Variants in PTK7 observed in about 807,000 individuals in gnomAD.
PTK7 encodes protein tyrosine kinase 7 (inactive).
In PTK7, 39 loss-of-function variants were observed where a neutral mutation model predicts 116.6. That is an observed-to-expected ratio of 0.33 (90% CI 0.26 to 0.44). The LOEUF (loss-of-function observed/expected upper bound fraction) is 0.44. Ranked by LOEUF, PTK7 falls within the 20% of genes least tolerant of loss-of-function variation. PTK7 has a pLI of 1.00. For missense variants in PTK7, 1,169 were observed against 1,425.6 expected, an observed-to-expected ratio of 0.82 and a Z score of 2.90; for synonymous variants, 546 against 563.6, an observed-to-expected ratio of 0.97 and a Z score of 0.44.
chr6:43,160,808 G>A lies in PTK7; in HGVS notation c.3140G>A (p.Ser1047Asn). ...CTGATGCAGCGCTGCTGGGCCCTCA[G>A]CCCCAAGGACCGGCCCTCCTTCAGT... ...YRLMQRCWAL[S>N]PKDRPSFSEI... Residue 1047 changes from serine (S) to asparagine (N), a missense_variant, in exon 20 of 20, where the codon AGC becomes AAC. By Grantham distance (46) the Ser-to-Asn change is conservative. Coordinates refer to ENST00000230419, the MANE Select transcript of PTK7 (RefSeq NM_002821.5). The A allele has an allele frequency of 6.2e-7, 1 of 1,614,204 alleles. No homozygotes were observed. The highest frequency in any genetic ancestry group is 8.5e-7 in the Non-Finnish European group (1 of 1,180,036).
chr6:43,161,051 T>G lies in PTK7; in HGVS notation c.*170T>G. The G allele has an allele frequency of 9.9e-7, 1 of 1,009,900 alleles. No homozygotes were observed. Among genetic ancestry groups the G allele is most frequent in the Non-Finnish European group, 1.4e-6 (1 of 717,788 alleles). The allele number at this position is 1,009,900 out of a possible 1,614,324, so 62.6% of individuals were successfully genotyped here. A position where few individuals can be genotyped will look rare whatever the true frequency, so the allele number is the denominator to read the frequency against. ...TGGCCTTTCCTCCTCTTCCTCACCC[T>G]CATCCTTTGGGAGGCTGACTTGGAC... On this transcript the variant is annotated 3_prime_UTR_variant, in exon 20 of 20. Coordinates refer to ENST00000230419, the MANE Select transcript of PTK7 (RefSeq NM_002821.5).
intron 7 of PTK7, among the ~76,000 whole-genome samples, chr6:43,133,956 C>T (rs894904486): frequency 2.0e-5 from 3 of 152,230 alleles, no homozygotes; most frequent in Non-Finnish European, 2.9e-5. Flanking sequence ...TCAGGACACT[C>T]ACAGTGCAGG....
chr6:43,146,041 T>TA (rs146262186), intron 16 of PTK7: 497 of 152,862 alleles, frequency 3.3e-3, no homozygotes, highest in Non-Finnish European at 5.7e-3. Context: ...AACAAGTACT[T>TA]ACGCGGCTGG....
chr6:43,139,374 C>T lies in PTK7; in HGVS notation c.1499-32C>T, dbSNP rs775353315. The T allele has an allele frequency of 1.9e-6, 3 of 1,614,112 alleles. No individual in the cohort carries two copies. In the Admixed American group the frequency reaches 5.0e-5, roughly 27 times the overall value. ...ACGGCCTCTCCAGCGGCCCCAATTC[C>T]TCGTCTTTCTACCCACCCTCTGCTG... On this transcript the variant is annotated intron_variant, in intron 9 of 19. Coordinates refer to ENST00000230419, the MANE Select transcript of PTK7 (RefSeq NM_002821.5). This position sits in a 1 kb window ranked among gnomAD's most constrained non-coding sequence, Gnocchi z 4.6.
At chr6:43,149,718 C>G (rs996395019) in intron 17 of PTK7, among the ~76,000 whole-genome samples, 1 of 152,206 alleles carries the variant, frequency 6.6e-6, no homozygotes, top group African/African-American at 2.4e-5. Flanking sequence ...GCATTTTACT[C>G]ATGATCTGGT....
At chr6:43,116,873 G>C (rs1471545646) in intron 1 of PTK7, among the ~76,000 whole-genome samples, 9 of 152,076 alleles carry the variant, frequency 5.9e-5, no homozygotes, top group African/African-American at 2.2e-4. Flanking sequence ...GCCCAGGCTG[G>C]AGTGCAGTGG....
At chr6:43,096,757 A>G (rs1767283564) in intron 1 of PTK7, among the ~76,000 whole-genome samples, 1 of 152,232 alleles carries the variant, frequency 6.6e-6, no homozygotes, top group Non-Finnish European at 1.5e-5. Context: ...CCTGTCCGGT[A>G]GGGCCCTGCC....
At chr6:43,128,910 G>A in intron 1 of PTK7, 67 bp from the exon 2 acceptor site, 1 of 1,494,524 alleles carries the variant, frequency 6.7e-7, no homozygotes, top group Non-Finnish European at 9.1e-7. Context: ...TGTGCACAAG[G>A]TGGCCTGTGT....
chr6:43,082,890 G>A (rs1018435317), intron 1 of PTK7, among the ~76,000 whole-genome samples: 1 of 152,184 alleles, frequency 6.6e-6, no homozygotes, highest in Non-Finnish European at 1.5e-5. Flanking sequence ...AAATTTGGTC[G>A]ACAGACAACT....
intron 1 of PTK7, among the ~76,000 whole-genome samples, chr6:43,091,483 A>C (rs1314992891): frequency 6.6e-6 from 1 of 152,100 alleles, no homozygotes; most frequent in Non-Finnish European, 1.5e-5. Flanking sequence ...CTCTTTTGTA[A>C]GATAGGAATA....
chr6:43,097,233 T>C (rs1324296685), intron 1 of PTK7, among the ~76,000 whole-genome samples: 1 of 152,212 alleles, frequency 6.6e-6, no homozygotes, highest in Non-Finnish European at 1.5e-5. Context: ...AAAGGGAAGC[T>C]AAACCTGAAG....
At chr6:43,077,738 G>C (rs1766136412) in intron 1 of PTK7, among the ~76,000 whole-genome samples, 1 of 152,232 alleles carries the variant, frequency 6.6e-6, no homozygotes, top group Non-Finnish European at 1.5e-5. Context: ...GCAATGGGAA[G>C]GGCATGGGTA....
chr6:43,078,277 G>T (rs555160331), intron 1 of PTK7, among the ~76,000 whole-genome samples: 6 of 152,078 alleles, frequency 3.9e-5, no homozygotes, highest in African/African-American at 1.4e-4. Context: ...GTGTGTGTGG[G>T]GGATCCTGTT....
chr6:43,093,993 T>TA (rs1361870746), intron 1 of PTK7, among the ~76,000 whole-genome samples: 1 of 152,154 alleles, frequency 6.6e-6, no homozygotes, highest in Non-Finnish European at 1.5e-5. Flanking sequence ...AGGGTGAAGT[T>TA]AAAGTTATAC....
intron 1 of PTK7, among the ~76,000 whole-genome samples, chr6:43,108,547 A>T (rs187417719): frequency 1.8e-3 from 277 of 149,746 alleles, no homozygotes; most frequent in African/African-American, 6.2e-3. Flanking sequence ...CTACAGGCGC[A>T]TACCACCATG....
Position 43,143,359 on chromosome 6 carries a change from G to A in PTK7, c.2048-58G>A. On this transcript the variant is annotated intron_variant, in intron 13 of 19. Coordinates refer to ENST00000230419, the MANE Select transcript of PTK7 (RefSeq NM_002821.5). This position sits in a 1 kb window ranked among gnomAD's most constrained non-coding sequence, Gnocchi z 4.2. ...GATGGGGTTGGGAGGAGTTAGTAGA[G>A]AAGCAGGGCTTCTTTTGCTTAGCAG... 2 of 1,551,574 alleles carry A rather than the reference G, an allele frequency of 1.3e-6. No individual in the cohort carries two copies. The highest frequency in any genetic ancestry group is 2.3e-5 in the East Asian group (1 of 44,398).
In PTK7 at chr6:43,143,805, A is replaced by G. The variant is rs890740053; in HGVS notation, c.2251+185A>G. 3.9e-5 allele frequency among the ~76,000 whole-genome samples: 6 copies of G among 152,268 alleles called. No homozygotes were observed. The Middle Eastern group carries it at 0.017, about 432-fold the overall frequency. ...TTCCCAGGGCCTCGTCTTCTGAGCA[A>G]CCTGGCTTGAGACTTCTTCATTGGA... On this transcript the variant is annotated intron_variant, in intron 14 of 19. Coordinates refer to ENST00000230419, the MANE Select transcript of PTK7 (RefSeq NM_002821.5). This position sits in a 1 kb window ranked among gnomAD's most constrained non-coding sequence, Gnocchi z 4.2.
intron 1 of PTK7, among the ~76,000 whole-genome samples, chr6:43,099,785 T>C (rs975875678): frequency 6.6e-6 from 1 of 152,210 alleles, no homozygotes; most frequent in Admixed American, 6.5e-5. Context: ...TATTAAAGAA[T>C]CTGGCTGGGG....
chr6:43,130,490 C>T (rs1769597955), intron 4 of PTK7, 21 bp from the exon 5 acceptor site: 1 of 1,612,156 alleles, frequency 6.2e-7, no homozygotes, highest in Non-Finnish European at 8.5e-7. Context: ...GCTGCATGCT[C>T]CCCCATCTTT....
Sources: gnomAD v4.1 joint callset for allele counts (sites outside exome capture counted in the v4.1 genomes callset) on GRCh38, gnomAD v4.1.1 for gene constraint, Gnocchi (gnomAD v3.1) non-coding constraint, MANE v1.5 for transcripts, NCBI Gene and HGNC (gene_info 2026-07-23, HGNC 2026-07-21) for gene names.